The following ZNF704 variants were observed in gnomAD, a reference collection of about 807,000 sequenced individuals.
ZNF704 encodes zinc finger protein 704, also known as glucocorticoid induced gene 1.
Under a neutral mutation model 44.7 loss-of-function variants are expected in ZNF704, and 10 were observed. The ratio of observed to expected loss-of-function variants is 0.22; its 90% CI spans 0.14 to 0.38. ZNF704 has a LOEUF of 0.38. ZNF704 is among the 10% of genes least tolerant of loss of function. ZNF704 has a pLI of 1.00. For missense variants in ZNF704, 390 were observed against 545.5 expected (o/e 0.71, Z 2.84); for synonymous variants, 211 against 207.6 (o/e 1.02, Z -0.14).
At chr8:80,797,779 T>C (rs1807831070) in intron 2 of ZNF704, among the ~76,000 whole-genome samples, 1 of 152,002 alleles carries the variant, frequency 6.6e-6, no homozygotes. Flanking sequence ...CTCTTAATCA[T>C]CCCTTCTCTC....
intron 1 of ZNF704, among the ~76,000 whole-genome samples, chr8:80,870,499 A>ATC (rs760104815): frequency 1.3e-5 from 2 of 152,164 alleles, no homozygotes; most frequent in East Asian, 1.9e-4. Flanking sequence ...CCAAATGAAC[A>ATC]TCTCTCTCTC....
intron 3 of ZNF704, among the ~76,000 whole-genome samples, chr8:80,691,934 C>G (rs148800928): frequency 1.6e-3 from 241 of 152,340 alleles, no homozygotes; most frequent in Non-Finnish European, 2.8e-3. Flanking sequence ...CCTGCTCACT[C>G]TCTCTGTCCA....
intron 2 of ZNF704, among the ~76,000 whole-genome samples, chr8:80,781,036 C>T (rs1306379283): frequency 6.6e-6 from 1 of 152,208 alleles, no homozygotes; most frequent in African/African-American, 2.4e-5. Flanking sequence ...GATTAAAACA[C>T]AATAAGTTCG....
chr8:80,656,640 A>C (rs1818021030), intron 7 of ZNF704, among the ~76,000 whole-genome samples: 1 of 152,216 alleles, frequency 6.6e-6, no homozygotes, highest in Admixed American at 6.5e-5. Flanking sequence ...GAACTTATTA[A>C]AGTCCAATGT....
chr8:80,652,448 A>G (rs1318017182), intron 7 of ZNF704, among the ~76,000 whole-genome samples: 2 of 152,232 alleles, frequency 1.3e-5, no homozygotes, highest in Non-Finnish European at 2.9e-5. Context: ...AAAAGAGAGA[A>G]GAATCAAATA....
At chr8:80,840,438 C>G (rs760401898) in intron 1 of ZNF704, among the ~76,000 whole-genome samples, 1 of 152,144 alleles carries the variant, frequency 6.6e-6, no homozygotes, top group Non-Finnish European at 1.5e-5. Context: ...AGATTGGACA[C>G]CCCCGCTCTA....
rs997685366 is a variant in ZNF704, at chr8:80,631,488, T to G, written c.*9878A>C. 3 of 152,234 alleles carry G rather than the reference T, an allele frequency of 2.0e-5. No homozygotes were observed. Among genetic ancestry groups the G allele is most frequent in the Admixed American group, 6.5e-5 (1 of 15,282 alleles). 9.4% of individuals were successfully genotyped at this position (152,234 alleles called of 1,614,324 possible). The stretch of plus-strand genomic sequence containing the variant: ...CCAATTCTGCTTTCATGCTCTGTAA[T>G]TGTGGGCAGAAGTCAGAGCCTGGAG... On this transcript the variant is annotated 3_prime_UTR_variant, in exon 9 of 9. Coordinates refer to ENST00000327835, the MANE Select transcript of ZNF704 (RefSeq NM_001033723.3).
At chr8:80,790,655 G>A (rs1390944921) in intron 2 of ZNF704, among the ~76,000 whole-genome samples, 1 of 152,124 alleles carries the variant, frequency 6.6e-6, no homozygotes, top group Non-Finnish European at 1.5e-5. Flanking sequence ...GTGGGAATAG[G>A]AAGACCAGCT....
At chr8:80,729,502 T>C (rs1183819178) in intron 2 of ZNF704, among the ~76,000 whole-genome samples, 1 of 152,154 alleles carries the variant, frequency 6.6e-6, no homozygotes, top group Non-Finnish European at 1.5e-5. Context: ...AACAGGGACC[T>C]AGAATCCCCT....
intron 4 of ZNF704, among the ~76,000 whole-genome samples, chr8:80,683,653 T>A (rs1342783058): frequency 6.6e-6 from 1 of 152,184 alleles, no homozygotes; most frequent in Non-Finnish European, 1.5e-5. Flanking sequence ...CTTGGCACAA[T>A]GGGGATAAGA....
intron 2 of ZNF704, among the ~76,000 whole-genome samples, chr8:80,704,608 G>A (rs1440554021): frequency 6.6e-6 from 1 of 152,180 alleles, no homozygotes; most frequent in East Asian, 1.9e-4. Flanking sequence ...GGGTGGTGGG[G>A]GAAAGGGCTG....
At chr8:80,783,936 AATTTT>A (rs1287935628) in intron 2 of ZNF704, among the ~76,000 whole-genome samples, 13 of 152,148 alleles carry the variant, frequency 8.5e-5, no homozygotes, top group African/African-American at 2.7e-4. Flanking sequence ...CTGTCTCCAC[AATTTT>A]GTCCTTTCCA....
intron 2 of ZNF704, chr8:80,812,699 T>C (rs1378725607): frequency 6.6e-6 from 1 of 152,188 alleles, no homozygotes; most frequent in African/African-American, 2.4e-5. Flanking sequence ...CTCTATGGAG[T>C]TCAATGTACC....
intron 1 of ZNF704, among the ~76,000 whole-genome samples, chr8:80,864,626 A>C (rs987134038): frequency 1.3e-5 from 2 of 152,186 alleles, no homozygotes; most frequent in Non-Finnish European, 2.9e-5. Flanking sequence ...AGTGGGAGCA[A>C]GCAGATATGA....
At chr8:80,798,383 G>T (rs187535054) in intron 2 of ZNF704, among the ~76,000 whole-genome samples, 178 of 152,116 alleles carry the variant, frequency 1.2e-3, no homozygotes, top group Middle Eastern at 3.4e-3. Flanking sequence ...AGCCTCCCAA[G>T]TAGCTAGGAT....
Position 80,782,503 on chromosome 8 carries a change from A to T in ZNF704, c.221+38871T>A, listed in dbSNP as rs1807544310. On this transcript the variant is annotated intron_variant, in intron 2 of 8. Coordinates refer to ENST00000327835, the MANE Select transcript of ZNF704 (RefSeq NM_001033723.3). ...TAATTTTGGCTGCATTAATACAATTACGATGTCCAGATGAATACAAGAGTC... is the reference window on the plus strand; with the variant it reads ...TAATTTTGGCTGCATTAATACAATTTCGATGTCCAGATGAATACAAGAGTC... Among the ~76,000 whole-genome samples the T allele has an allele frequency of 2.0e-5, 3 of 152,292 alleles. No individual in the cohort carries two copies. In the South Asian group the frequency reaches 6.2e-4, roughly 32 times the overall value.
chr8:80,703,823 A>C (rs757614503), intron 2 of ZNF704, among the ~76,000 whole-genome samples: 1 of 152,176 alleles, frequency 6.6e-6, no homozygotes, highest in Non-Finnish European at 1.5e-5. Flanking sequence ...AGCATTAAGT[A>C]AGGATGGTGA....
chr8:80,796,965 AAGGGAGGG>A (rs535065228), intron 2 of ZNF704, among the ~76,000 whole-genome samples: 14 of 108,694 alleles, frequency 1.3e-4, no homozygotes, highest in South Asian at 7.0e-4. Context: ...GAGAGAAGGA[AAGGGAGGG>A]AGGGAGGGAG....
At chr8:80,660,424 A>T (rs1434967176) in intron 6 of ZNF704, among the ~76,000 whole-genome samples, 1 of 151,306 alleles carries the variant, frequency 6.6e-6, no homozygotes, top group African/African-American at 2.4e-5. Flanking sequence ...GTGAACTATG[A>T]TCATGCCACT....
Sources: gnomAD v4.1 joint callset for allele counts (sites outside exome capture counted in the v4.1 genomes callset) on GRCh38, gnomAD v4.1.1 for gene constraint, MANE v1.5 for transcripts, NCBI Gene and HGNC (gene_info 2026-07-23, HGNC 2026-07-21) for gene names.